The following NAA30 variants were observed in gnomAD, a reference collection of about 807,000 sequenced individuals.
NAA30 encodes N-alpha-acetyltransferase 30.
A neutral mutation model predicts 31.4 loss-of-function variants in NAA30; 5 were observed. The ratio of observed to expected loss-of-function variants is 0.16; its 90% CI spans 0.08 to 0.33. The LOEUF (loss-of-function observed/expected upper bound fraction) is 0.33, where lower values mean the gene tolerates loss of function less well. NAA30 is among the 10% of genes least tolerant of loss of function. NAA30 has a pLI of 1.00. For missense variants in NAA30, 428 were observed against 490.8 expected (o/e 0.87, Z 1.21); for synonymous variants, 222 against 207.1 (o/e 1.07, Z -0.62).
At chr14:57,403,382 CAGAGT>C (rs939690367) in intron 4 of NAA30, among the ~76,000 whole-genome samples, 3 of 152,124 alleles carry the variant, frequency 2.0e-5, no homozygotes, top group African/African-American at 7.2e-5. Context: ...ATTTTAAGCT[CAGAGT>C]ATTCAGCCAG....
chr14:57,400,735 G>C (rs988040421), intron 4 of NAA30, among the ~76,000 whole-genome samples: 2 of 152,048 alleles, frequency 1.3e-5, no homozygotes, highest in Non-Finnish European at 2.9e-5. Flanking sequence ...GGAGTGTTTT[G>C]GTACAAAATT....
intron 2 of NAA30, among the ~76,000 whole-genome samples, chr14:57,395,098 A>T (rs1047485093): frequency 4.6e-5 from 7 of 152,164 alleles, no homozygotes; most frequent in East Asian, 1.9e-4. Flanking sequence ...TGTTTAAAAA[A>T]TTTTTTTAAA....
rs914454094 is a variant in NAA30 at position 57,414,375 on chromosome 14, G to A, written c.*4859G>A. 2.6e-5 allele frequency: 4 copies of A among 152,218 alleles called. No individual in the cohort carries two copies. The highest frequency in any genetic ancestry group is 9.7e-5 in the African/African-American group (4 of 41,446). The allele number at this position is 152,218 out of a possible 1,614,324, so 9.4% of individuals were successfully genotyped here. A position where few individuals can be genotyped will look rare whatever the true frequency, so the allele number is the denominator to read the frequency against. ...TGCCCTTGTTATGTAGCCTTTCTGAGAAAAGCAGCCCTTTCAGATTTTATT... is the reference window on the plus strand; with the variant it reads ...TGCCCTTGTTATGTAGCCTTTCTGAAAAAAGCAGCCCTTTCAGATTTTATT... On this transcript the variant is annotated 3_prime_UTR_variant, in exon 5 of 5. Transcript: ENST00000556492.
intron 4 of NAA30, among the ~76,000 whole-genome samples, chr14:57,402,768 A>G (rs1397428257): frequency 6.6e-6 from 1 of 152,270 alleles, no homozygotes; most frequent in African/African-American, 2.4e-5. Flanking sequence ...AAATTATCTG[A>G]AAATCTGTGA....
chr14:57,396,656 G>A (rs1245515869), intron 2 of NAA30, 96 bp from the exon 3 acceptor site: 3 of 1,363,672 alleles, frequency 2.2e-6, no homozygotes, highest in Admixed American at 1.8e-5. Flanking sequence ...TTCCCCCGTC[G>A]AAAATGCTTA....
intron 1 of NAA30, 70 bp downstream of exon 1, chr14:57,390,775 G>C: frequency 1.8e-6 from 1 of 552,104 alleles, no homozygotes; most frequent in South Asian, 4.6e-5. Flanking sequence ...GACGGTGGCC[G>C]GCTGAGCAGC....
rs1308819569 is a variant in NAA30 at position 57,412,659 on chromosome 14, C to G, written c.*3143C>G. 3 of 152,068 alleles carry G rather than the reference C, an allele frequency of 2.0e-5. No homozygotes were observed. Among genetic ancestry groups the G allele is most frequent in the Non-Finnish European group, 4.4e-5 (3 of 68,014 alleles). 9.4% of individuals were successfully genotyped at this position (152,068 alleles called of 1,614,324 possible). On this transcript the variant is annotated 3_prime_UTR_variant, in exon 5 of 5. Transcript: ENST00000556492. ...TGCTGCATAATTTTCTTCTATTGTCCCATATCCTTTTGGAGAGAGATTTAA... is the reference window on the plus strand; with the variant it reads ...TGCTGCATAATTTTCTTCTATTGTCGCATATCCTTTTGGAGAGAGATTTAA...
In NAA30 at chr14:57,410,155, T is replaced by C. The variant is rs575701004; in HGVS notation, c.*639T>C. 2.4e-4 allele frequency: 36 copies of C among 152,760 alleles called. No individual in the cohort carries two copies. Among genetic ancestry groups the C allele is most frequent in the African/African-American group, 8.7e-4 (36 of 41,584 alleles). 9.5% of individuals were successfully genotyped at this position (152,760 alleles called of 1,614,324 possible). A position where few individuals can be genotyped will look rare whatever the true frequency, so the allele number is the denominator to read the frequency against. On this transcript the variant is annotated 3_prime_UTR_variant, in exon 5 of 5. Coordinates refer to ENST00000556492, the MANE Select transcript of NAA30 (RefSeq NM_001011713.3). ...TTGAATGCATGCTATCTTTTCCTTTTCTTTAAGGCCTTTGCAAGCAAACTT... is the reference window on the plus strand; with the variant it reads ...TTGAATGCATGCTATCTTTTCCTTTCCTTTAAGGCCTTTGCAAGCAAACTT...
In NAA30 at chr14:57,391,597, C is replaced by A. The variant is rs530515964; in HGVS notation, c.640C>A (p.Arg214=). 15 of 1,614,230 alleles carry A rather than the reference C, an allele frequency of 9.3e-6. No homozygotes were observed. In the South Asian group the frequency reaches 1.5e-4, roughly 17 times the overall value. ...TGAGCCTGGGGAGGATCGGACGATA[C>A]GATATGTCCGATATGAATCCGAGCT... ...EVEPGEDRTI[R]YVRYESELQM... Residue 214 remains arginine (R), a synonymous_variant, in exon 2 of 5, where the codon CGA becomes AGA. Coordinates refer to ENST00000556492, the MANE Select transcript of NAA30 (RefSeq NM_001011713.3). The surrounding 1 kb of genome is among the most constrained non-coding windows in gnomAD (Gnocchi z 4.1).
chr14:57,399,828 G>C lies in NAA30; in HGVS notation c.896G>C (p.Gly299Ala). ...VDSKYRRNGIGTNLVKKAIYA... is the reference protein window; with the variant it reads ...VDSKYRRNGIATNLVKKAIYA... ...ATTAATACTCAGATCTATATTCTAG[G>C]TACTAACTTGGTTAAGAAAGCTATA... The change falls in exon 4 of 5, where the codon GGT becomes GCT. Residue 299 changes from glycine to alanine, a missense_variant and splice_region_variant. Coordinates refer to ENST00000556492, the MANE Select transcript of NAA30 (RefSeq NM_001011713.3). 6.8e-7 allele frequency: 1 copy of C among 1,477,492 alleles called. No homozygotes were observed. Among genetic ancestry groups the C allele is most frequent in the Non-Finnish European group, 9.4e-7 (1 of 1,060,266 alleles). The allele number at this position is 1,477,492 out of a possible 1,614,324, so 91.5% of individuals were successfully genotyped here. A position where few individuals can be genotyped will look rare whatever the true frequency, so the allele number is the denominator to read the frequency against.
At position 57,414,067 on chromosome 14, in the gene NAA30, A is replaced by T. The variant is rs1187303631; in HGVS notation, c.*4551A>T. The T allele has an allele frequency of 5.3e-5, 8 of 152,196 alleles. No homozygotes were observed. In the East Asian group the frequency reaches 1.5e-3, roughly 29 times the overall value. 9.4% of individuals were successfully genotyped at this position (152,196 alleles called of 1,614,324 possible). A position where few individuals can be genotyped will look rare whatever the true frequency, so the allele number is the denominator to read the frequency against. ...TGTATTGGACAGCAGAGCTTTAGAT[A>T]AGCAGTAATAACAGGAAGGGAGTGT... On this transcript the variant is annotated 3_prime_UTR_variant, in exon 5 of 5. Coordinates refer to ENST00000556492, the MANE Select transcript of NAA30 (RefSeq NM_001011713.3).
intron 2 of NAA30, among the ~76,000 whole-genome samples, chr14:57,392,038 G>T (rs1032129884): frequency 1.3e-5 from 2 of 152,038 alleles, no homozygotes; most frequent in Admixed American, 6.6e-5. Context: ...TTAATTACCC[G>T]CCCGCATCCT....
intron 2 of NAA30, among the ~76,000 whole-genome samples, chr14:57,393,198 A>C (rs574911183): frequency 6.6e-6 from 1 of 152,220 alleles, no homozygotes; most frequent in Non-Finnish European, 1.5e-5. Context: ...TATGATATTT[A>C]GTCAACTTTG....
chr14:57,408,597 G>A (rs904794703), intron 4 of NAA30, among the ~76,000 whole-genome samples: 2 of 152,110 alleles, frequency 1.3e-5, no homozygotes, highest in Non-Finnish European at 2.9e-5. Flanking sequence ...TACTGCAAAC[G>A]TACTCATAAA....
chr14:57,402,997 A>G (rs777523502), intron 4 of NAA30, among the ~76,000 whole-genome samples: 5 of 152,218 alleles, frequency 3.3e-5, no homozygotes, highest in Non-Finnish European at 7.3e-5. Flanking sequence ...CCTGGCCGAC[A>G]TGGTGAAACC....
At chr14:57,392,476 T>C (rs2066433722) in intron 2 of NAA30, among the ~76,000 whole-genome samples, 1 of 152,154 alleles carries the variant, frequency 6.6e-6, no homozygotes, top group Non-Finnish European at 1.5e-5. Flanking sequence ...CTGGCTTGTG[T>C]AGAGTATAAT....
intron 3 of NAA30, among the ~76,000 whole-genome samples, chr14:57,399,474 G>A (rs1196174509): frequency 6.6e-6 from 1 of 152,172 alleles, no homozygotes; most frequent in South Asian, 2.1e-4. Context: ...GCCAACTCAC[G>A]GGGAGTTCCT....
Position 57,415,642 on chromosome 14 carries a change from AT to A in NAA30, c.*6128del, listed in dbSNP as rs1453863606. 6.6e-6 allele frequency: 1 copy of A among 152,180 alleles called. No homozygotes were observed. The highest frequency in any genetic ancestry group is 1.5e-5 in the Non-Finnish European group (1 of 68,034). 9.4% of individuals were successfully genotyped at this position (152,180 alleles called of 1,614,324 possible). ...TTTTAAAAGTTTAAGATATAAAGTA[AT>A]TGCTAAAATTTGTGAACTACTCAGA... On this transcript the variant is annotated 3_prime_UTR_variant, in exon 5 of 5. Coordinates refer to ENST00000556492, the MANE Select transcript of NAA30 (RefSeq NM_001011713.3).
Position 57,409,714 on chromosome 14 carries a change from C to A in NAA30, c.*198C>A. The A allele has an allele frequency of 2.2e-6, 1 of 450,464 alleles. No individual in the cohort carries two copies. The allele number at this position is 450,464 out of a possible 1,614,324, so 27.9% of individuals were successfully genotyped here. On this transcript the variant is annotated 3_prime_UTR_variant, in exon 5 of 5. Transcript: ENST00000556492. ...TTCTGAATTAAAAGATTGTTTTAAACTTCAGGAGTTCTTTTGGTACCAACA... is the reference window on the plus strand; with the variant it reads ...TTCTGAATTAAAAGATTGTTTTAAAATTCAGGAGTTCTTTTGGTACCAACA...
Sources: gnomAD v4.1 joint callset for allele counts (sites outside exome capture counted in the v4.1 genomes callset) on GRCh38, gnomAD v4.1.1 for gene constraint, Gnocchi (gnomAD v3.1) non-coding constraint, MANE v1.5 for transcripts, NCBI Gene and HGNC (gene_info 2026-07-23, HGNC 2026-07-21) for gene names.